Variants in GALNT16 observed in about 807,000 individuals in gnomAD.
The protein encoded by GALNT16 is UDP-GalNAc:polypeptide N-acetylgalactosaminyltransferase-like protein 1.
In GALNT16, 40 loss-of-function variants were observed where a neutral mutation model predicts 76.1. The observed-to-expected ratio is 0.53, with a 90% CI of 0.41 to 0.68. GALNT16 has a LOEUF of 0.68. GALNT16 is among the 30% of genes least tolerant of loss of function. The probability of loss-of-function intolerance (pLI) is 0.00; values close to 1 mark genes in which losing one functional copy is unlikely to be tolerated. For synonymous variants in GALNT16, 276 were observed against 285.2 expected (o/e 0.97, Z 0.32); for missense variants, 621 against 731.9 (o/e 0.85, Z 1.75).
At chr14:69,276,449 G>A (rs983335838) in intron 1 of GALNT16, among the ~76,000 whole-genome samples, 2 of 152,198 alleles carry the variant, frequency 1.3e-5, no homozygotes, top group African/African-American at 2.4e-5. Context: ...TTGGGAGGCC[G>A]AGGTGGGCGG....
intron 12 of GALNT16, among the ~76,000 whole-genome samples, chr14:69,343,498 C>T (rs1002949346): frequency 6.6e-6 from 1 of 152,192 alleles, no homozygotes; most frequent in South Asian, 2.1e-4. Flanking sequence ...AGTCAGTGGC[C>T]TAGATAACCC....
chr14:69,357,682 A>G, downstream of GALNT16: 1 of 152,352 alleles, frequency 6.6e-6, no homozygotes, highest in Non-Finnish European at 1.5e-5. Flanking sequence ...GATCCCCTCA[A>G]GCCATCTGAA....
At chr14:69,288,135 A>G (rs1448811718) in intron 1 of GALNT16, among the ~76,000 whole-genome samples, 1 of 152,226 alleles carries the variant, frequency 6.6e-6, no homozygotes, top group Non-Finnish European at 1.5e-5. Context: ...AGTCAAATCT[A>G]GGAAGTGACC....
chr14:69,360,569 A>G (rs767124908), downstream of GALNT16, among the ~76,000 whole-genome samples: 4 of 151,178 alleles, frequency 2.6e-5, no homozygotes, highest in Non-Finnish European at 4.4e-5. Flanking sequence ...TGGAGGTTGC[A>G]GTGAGCTGAG....
At position 69,333,198 on chromosome 14, in the gene GALNT16, C is replaced by T. The variant is rs987891313; in HGVS notation, c.863+29C>T. 7.5e-6 allele frequency: 11 copies of T among 1,462,702 alleles called. 1 individual carries two copies. The South Asian group carries it at 1.2e-4, about 16-fold the overall frequency. The allele number at this position is 1,462,702 out of a possible 1,614,324, so 90.6% of individuals were successfully genotyped here. On this transcript the variant is annotated intron_variant, in intron 8 of 14. Coordinates refer to ENST00000448469, the MANE Select transcript of GALNT16 (RefSeq NM_001168368.2). The surrounding 1 kb of genome is among the most constrained non-coding windows in gnomAD (Gnocchi z 4.2). ...AGAGCTGCGGTGGGCTCTGGGGGACCCCTTCCTTCCCTGGGTCAGGGGCCT... is the reference window on the plus strand; with the variant it reads ...AGAGCTGCGGTGGGCTCTGGGGGACTCCTTCCTTCCCTGGGTCAGGGGCCT...
At chr14:69,337,503 T>C (rs2045429445) in intron 9 of GALNT16, among the ~76,000 whole-genome samples, 2 of 152,158 alleles carry the variant, frequency 1.3e-5, no homozygotes, top group Admixed American at 1.3e-4. Context: ...CATAACAAAG[T>C]TGGGATGGCA....
intron 1 of GALNT16, among the ~76,000 whole-genome samples, chr14:69,276,517 C>T (rs554179654): frequency 6.6e-6 from 1 of 151,958 alleles, no homozygotes; most frequent in Non-Finnish European, 1.5e-5. Flanking sequence ...CCTGTCTCTG[C>T]CAAAAATACA....
downstream of GALNT16, chr14:69,355,160 GC>G (rs1470434527): frequency 6.6e-6 from 1 of 152,284 alleles, no homozygotes; most frequent in Non-Finnish European, 1.5e-5. Context: ...CACACCACTA[GC>G]CTCTCCTGGA....
At chr14:69,298,196 G>A (rs1025508345) in intron 1 of GALNT16, among the ~76,000 whole-genome samples, 8 of 152,204 alleles carry the variant, frequency 5.3e-5, no homozygotes, top group Non-Finnish European at 8.8e-5. Context: ...CAACAGCAAC[G>A]TTGGGGCCTG....
chr14:69,342,061 T>A (rs1265877873), intron 12 of GALNT16, among the ~76,000 whole-genome samples: 8 of 152,200 alleles, frequency 5.3e-5, no homozygotes, highest in Non-Finnish European at 1.2e-4. Flanking sequence ...TCGTCCCCTT[T>A]AGCCCTGTTC....
intron 1 of GALNT16, among the ~76,000 whole-genome samples, chr14:69,289,473 G>A (rs889039813): frequency 2.6e-5 from 4 of 152,120 alleles, no homozygotes; most frequent in Non-Finnish European, 4.4e-5. Flanking sequence ...CTCAGTTGCT[G>A]GCCTCAGGCC....
In GALNT16 at chr14:69,347,861, G is replaced by C; in HGVS notation, c.1414-16G>C. On this transcript the variant is annotated splice_polypyrimidine_tract_variant and intron_variant, in intron 13 of 14. Transcript: ENST00000448469. ...CTGTACTTTTTGACTTGGCCTTTCT[G>C]CTCCCTGCCTTGCAGGCATGGCTGT... The C allele has an allele frequency of 6.2e-7, 1 of 1,611,870 alleles. No individual in the cohort carries two copies. Among genetic ancestry groups the C allele is most frequent in the Non-Finnish European group, 8.5e-7 (1 of 1,179,888 alleles).
In GALNT16 at chr14:69,352,545, G is replaced by C. The variant is rs1485754165; in HGVS notation, c.*377G>C. On this transcript the variant is annotated 3_prime_UTR_variant, in exon 15 of 15. Coordinates refer to ENST00000448469, the MANE Select transcript of GALNT16 (RefSeq NM_001168368.2). Reference sequence around the variant, plus strand: ...AGCAAGGACAGAAGCCCACACAGGGGTCTTTTGGGTCATGAGGCCCAGCTG... The same window carrying C: ...AGCAAGGACAGAAGCCCACACAGGGCTCTTTTGGGTCATGAGGCCCAGCTG... The C allele has an allele frequency of 5.9e-6, 1 of 168,632 alleles. No homozygotes were observed. The highest frequency in any genetic ancestry group is 1.3e-5 in the Non-Finnish European group (1 of 78,938). The allele number at this position is 168,632 out of a possible 1,614,324, so 10.4% of individuals were successfully genotyped here.
At chr14:69,326,622 A>C (rs2045288838) in intron 5 of GALNT16, among the ~76,000 whole-genome samples, 1 of 152,208 alleles carries the variant, frequency 6.6e-6, no homozygotes. Flanking sequence ...GTGTGGGGGC[A>C]TCATGAGACA....
rs1336859117 is a variant in GALNT16 at position 69,352,341 on chromosome 14, C to T, written c.*173C>T. On this transcript the variant is annotated 3_prime_UTR_variant, in exon 15 of 15. Coordinates refer to ENST00000448469, the MANE Select transcript of GALNT16 (RefSeq NM_001168368.2). ...AAAGCTTGTTCTAGGAGGGCGCAGG[C>T]GGGCACGCCCCGATGCCCTCAGTGC... 1.4e-5 allele frequency: 9 copies of T among 644,028 alleles called. No homozygotes were observed. Among genetic ancestry groups the T allele is most frequent in the South Asian group, 4.0e-5 (2 of 50,254 alleles). 39.9% of individuals were successfully genotyped at this position (644,028 alleles called of 1,614,324 possible). A position where few individuals can be genotyped will look rare whatever the true frequency, so the allele number is the denominator to read the frequency against.
chr14:69,304,808 T>C (rs1285497582), intron 1 of GALNT16, among the ~76,000 whole-genome samples: 1 of 152,238 alleles, frequency 6.6e-6, no homozygotes, highest in African/African-American at 2.4e-5. Context: ...GATTTCCTTC[T>C]TTCTCAAGGC....
the GALNT16 span, among the ~76,000 whole-genome samples, chr14:69,381,515 C>G: frequency 3.1e-3 from 477 of 151,632 alleles, 4 homozygotes; most frequent in African/African-American, 0.011. Context: ...CTAATCAGAA[C>G]GAAAAGGAGT....
chr14:69,281,125 G>T (rs531177356), intron 1 of GALNT16, among the ~76,000 whole-genome samples: 1 of 151,892 alleles, frequency 6.6e-6, no homozygotes, highest in Non-Finnish European at 1.5e-5. Context: ...GACAGAGTCC[G>T]CGATCGTACT....
intron 1 of GALNT16, among the ~76,000 whole-genome samples, chr14:69,281,548 C>A (rs544670202): frequency 6.6e-6 from 1 of 152,302 alleles, no homozygotes; most frequent in East Asian, 1.9e-4. Context: ...TGTCTGCCCT[C>A]CCCGCTTTCA....
Sources: allele counts gnomAD v4.1 joint callset (sites outside exome capture counted in the v4.1 genomes callset), GRCh38; gene constraint gnomAD v4.1.1; non-coding constraint Gnocchi (gnomAD v3.1); transcripts MANE v1.5; gene names NCBI Gene and HGNC (gene_info 2026-07-23, HGNC 2026-07-21).